The following ERO1A variants were observed in gnomAD, a reference collection of about 807,000 sequenced individuals.
ERO1A encodes ERO1-like protein alpha.
ERO1A carries 49 observed loss-of-function variants against 76.9 expected under a neutral mutation model. The ratio of observed to expected loss-of-function variants is 0.64; its 90% CI spans 0.51 to 0.81. ERO1A has a LOEUF of 0.81. Ranked by LOEUF, ERO1A falls within the 30% of genes least tolerant of loss-of-function variation. ERO1A has a pLI of 0.00. For synonymous variants in ERO1A, 174 were observed against 181.2 expected (o/e 0.96, Z 0.32); for missense variants, 448 against 542.1 (o/e 0.83, Z 1.72).
chr14:52,673,472 T>G (rs1180442401), intron 4 of ERO1A, among the ~76,000 whole-genome samples: 1 of 152,212 alleles, frequency 6.6e-6, no homozygotes, highest in Non-Finnish European at 1.5e-5. Context: ...GATACTTATT[T>G]TTCACTGATT....
At chr14:52,686,861 C>T (rs1002310380) in intron 1 of ERO1A, among the ~76,000 whole-genome samples, 14 of 150,008 alleles carry the variant, frequency 9.3e-5, no homozygotes, top group East Asian at 7.9e-4. Flanking sequence ...GGTGACAGAG[C>T]GAGACTCCAT....
chr14:52,654,866 T>C (rs890625561), intron 11 of ERO1A, among the ~76,000 whole-genome samples: 5 of 152,214 alleles, frequency 3.3e-5, no homozygotes, highest in Admixed American at 2.6e-4. Flanking sequence ...GTTGTCTTCA[T>C]GCCATGTCAT....
intron 11 of ERO1A, among the ~76,000 whole-genome samples, chr14:52,657,358 A>G (rs974934767): frequency 6.6e-6 from 1 of 152,184 alleles, no homozygotes; most frequent in East Asian, 1.9e-4. Context: ...ATCGCACACT[A>G]GAGTGGGCAA....
rs2039435844 is a variant in ERO1A at position 52,640,470 on chromosome 14, A to G, written c.*3100T>C. On this transcript the variant is annotated 3_prime_UTR_variant, in exon 16 of 16. Coordinates refer to ENST00000395686, the MANE Select transcript of ERO1A (RefSeq NM_014584.3). ...TTCACCAGAACATTCGGTGGAGGAA[A>G]CACATCAGAAGACCTTGTACACCAA... The G allele has an allele frequency of 1.3e-5, 2 of 152,250 alleles. No homozygotes were observed. The highest frequency in any genetic ancestry group is 2.1e-4 in the South Asian group (1 of 4,834). The allele number at this position is 152,250 out of a possible 1,614,324, so 9.4% of individuals were successfully genotyped here. A position where few individuals can be genotyped will look rare whatever the true frequency, so the allele number is the denominator to read the frequency against.
chr14:52,643,588 C>G lies in ERO1A; in HGVS notation c.1389G>C (p.Leu463Phe). The change falls in exon 16 of 16, where the codon TTG becomes TTC. Residue 463 changes from leucine (L) to phenylalanine (F), a missense_variant. Around this residue, in one of 2 missense-constraint regions of ERO1A, gnomAD observed 302 missense variants for 411.9 expected, o/e 0.73. Transcript: ENST00000395686. ...SVKELENFRN[L>F]LQNIH Reference sequence around the variant, plus strand: ...GTTTTCTTTAATGAATATTCTGTAACAAGTTCCTGAAGTTTTCTAATTCTT... The same window carrying G: ...GTTTTCTTTAATGAATATTCTGTAAGAAGTTCCTGAAGTTTTCTAATTCTT... The G allele has an allele frequency of 6.8e-7, 1 of 1,480,332 alleles. No individual in the cohort carries two copies. The highest frequency in any genetic ancestry group is 8.9e-7 in the Non-Finnish European group (1 of 1,121,418). 91.7% of individuals were successfully genotyped at this position (1,480,332 alleles called of 1,614,324 possible).
chr14:52,694,800 A>C (rs1292311663), intron 1 of ERO1A, among the ~76,000 whole-genome samples: 1 of 152,160 alleles, frequency 6.6e-6, no homozygotes, highest in Non-Finnish European at 1.5e-5. Context: ...ATTACATTCG[A>C]GAAAAAGAGC....
chr14:52,678,388 G>A (rs1471391083), intron 4 of ERO1A, 46 bp downstream of exon 4: 1 of 1,553,498 alleles, frequency 6.4e-7, no homozygotes, highest in Non-Finnish European at 8.8e-7. Flanking sequence ...GGTTTTTCAA[G>A]TTTTTCATTA....
intron 2 of ERO1A, 92 bp from the exon 3 acceptor site, chr14:52,682,500 G>T: frequency 1.1e-6 from 1 of 892,198 alleles, no homozygotes; most frequent in Non-Finnish European, 1.8e-6. Flanking sequence ...ACTTGGTCAT[G>T]TTATCAGGTG....
chr14:52,676,975 A>G (rs1412980957), intron 4 of ERO1A, among the ~76,000 whole-genome samples: 2 of 152,184 alleles, frequency 1.3e-5, no homozygotes, highest in African/African-American at 2.4e-5. Flanking sequence ...CTCAGAAAAA[A>G]TGATAAATCA....
chr14:52,648,460 T>C (rs532462754), intron 13 of ERO1A, among the ~76,000 whole-genome samples: 2 of 152,312 alleles, frequency 1.3e-5, no homozygotes, highest in African/African-American at 4.8e-5. Flanking sequence ...AGAATCCACA[T>C]AGAGACAAGA....
At position 52,678,465 on chromosome 14, in the gene ERO1A, A is replaced by G. The variant is rs748988266; in HGVS notation, c.326T>C (p.Val109Ala). The change falls in exon 4 of 16, where the codon GTT becomes GCT. Residue 109 changes from valine (V) to alanine (A), a missense_variant. By Grantham distance (64) the Val-to-Ala change is moderately conservative. Transcript: ENST00000395686. ...GCTCGCAGATTTAATTCCATCAGGA[A>G]CTTCATCCTGAAAAAGAAAAAAATA... Reference protein sequence around the residue: ...CAVKPCQSDEVPDGIKSASYK... With the variant: ...CAVKPCQSDEAPDGIKSASYK... 7.4e-6 allele frequency: 12 copies of G among 1,612,182 alleles called. No homozygotes were observed. Among genetic ancestry groups the G allele is most frequent in the Non-Finnish European group, 1.7e-6 (2 of 1,178,990 alleles).
At chr14:52,666,787 C>T (rs1054460342) in intron 6 of ERO1A, among the ~76,000 whole-genome samples, 3 of 152,064 alleles carry the variant, frequency 2.0e-5, no homozygotes, top group Non-Finnish European at 2.9e-5. Flanking sequence ...AAAAATTAGC[C>T]GGGCGTGGTG....
At chr14:52,654,832 T>C (rs1241722949) in intron 11 of ERO1A, among the ~76,000 whole-genome samples, 1 of 152,246 alleles carries the variant, frequency 6.6e-6, no homozygotes, top group Non-Finnish European at 1.5e-5. Flanking sequence ...TCTTTTTCTA[T>C]GTGATGGCTA....
rs549388512 is a variant in ERO1A at position 52,653,427 on chromosome 14, T to C, written c.809-112A>G. The C allele has an allele frequency of 3.0e-5, 23 of 766,270 alleles. No individual in the cohort carries two copies. In the East Asian group the frequency reaches 6.2e-4, roughly 21 times the overall value. 47.5% of individuals were successfully genotyped at this position (766,270 alleles called of 1,614,324 possible). A position where few individuals can be genotyped will look rare whatever the true frequency, so the allele number is the denominator to read the frequency against. On this transcript the variant is annotated intron_variant, in intron 11 of 15. Transcript: ENST00000395686. Reference sequence around the variant, plus strand: ...TAATTTCATTTTGCATTTTAAGTTATATAATAACAACCAAGAAAATGGTTT... The same window carrying C: ...TAATTTCATTTTGCATTTTAAGTTACATAATAACAACCAAGAAAATGGTTT...
chr14:52,648,711 T>C (rs868787843), intron 13 of ERO1A, among the ~76,000 whole-genome samples: 9 of 152,212 alleles, frequency 5.9e-5, no homozygotes, highest in Admixed American at 2.0e-4. Flanking sequence ...GCCTCTGTTC[T>C]AAAAGACTGT....
At chr14:52,656,540 G>A (rs111998955) in intron 11 of ERO1A, among the ~76,000 whole-genome samples, 16,472 of 151,520 alleles carry the variant, frequency 0.11, 991 homozygotes, top group South Asian at 0.19. Flanking sequence ...GTGAAACCCC[G>A]TCTCTACTAA....
Position 52,639,936 on chromosome 14 carries a change from T to C in ERO1A, c.*3634A>G, listed in dbSNP as rs1175191049. On this transcript the variant is annotated 3_prime_UTR_variant, in exon 16 of 16. Coordinates refer to ENST00000395686, the MANE Select transcript of ERO1A (RefSeq NM_014584.3). ...AATCTTGAATACAATTTCAGCTTTA[T>C]TGACCCCCTAAAGTCTACAAATCCT... The C allele has an allele frequency of 4.6e-5, 7 of 152,196 alleles. No individual in the cohort carries two copies. Among genetic ancestry groups the C allele is most frequent in the Non-Finnish European group, 8.8e-5 (6 of 68,030 alleles). The allele number at this position is 152,196 out of a possible 1,614,324, so 9.4% of individuals were successfully genotyped here.
chr14:52,679,803 C>T (rs2040926435), intron 3 of ERO1A, among the ~76,000 whole-genome samples: 1 of 152,136 alleles, frequency 6.6e-6, no homozygotes, highest in Non-Finnish European at 1.5e-5. Flanking sequence ...ATAATCCCAG[C>T]ACTTTGGGAT....
intron 7 of ERO1A, among the ~76,000 whole-genome samples, chr14:52,664,999 C>T (rs371652323): frequency 6.6e-6 from 1 of 152,006 alleles, no homozygotes; most frequent in Non-Finnish European, 1.5e-5. Flanking sequence ...GGCGTGGTGG[C>T]TCATGCCTGT....
Sources: gnomAD v4.1 joint callset for allele counts (sites outside exome capture counted in the v4.1 genomes callset) on GRCh38, gnomAD v4.1.1 for gene constraint, gnomAD v4.1.1 regional missense constraint, MANE v1.5 for transcripts, NCBI Gene and HGNC (gene_info 2026-07-23, HGNC 2026-07-21) for gene names.